Variants in DDX55 observed in about 807,000 individuals in gnomAD.
DDX55 encodes the protein DEAD-box helicase 55, also known as ATP-dependent RNA helicase DDX55.
A neutral mutation model predicts 69.2 loss-of-function variants in DDX55; 56 were observed. The observed-to-expected ratio is 0.81, with a 90% confidence interval of 0.65 to 1.01. DDX55 has a LOEUF of 1.01. DDX55 is among the 50% of genes least tolerant of loss of function. DDX55 has a pLI of 0.00. For missense variants in DDX55, 720 were observed against 745.1 expected (o/e 0.97, Z 0.39); for synonymous variants, 268 against 273.1 (o/e 0.98, Z 0.18).
Position 123,620,619 on chromosome 12 carries a change from T to TATATATATAA in DDX55, c.*480_*489dup, listed in dbSNP as rs1379818886. 7 of 120,558 alleles carry TATATATATAA rather than the reference T, an allele frequency of 5.8e-5. No homozygotes were observed. The highest frequency in any genetic ancestry group is 2.2e-4 in the African/African-American group (6 of 27,310). The allele number at this position is 120,558 out of a possible 1,614,324, so 7.5% of individuals were successfully genotyped here. The stretch of plus-strand genomic sequence containing the variant: ...ATATATATATATATATATATATATA[T>TATATATATAA]ATATATATAAGCTCTTTTTTCTGAG... On this transcript the variant is annotated 3_prime_UTR_variant, in exon 14 of 14. Transcript: ENST00000238146.
In DDX55 at chr12:123,606,096, C is replaced by T. The variant is rs138847573; in HGVS notation, c.183C>T (p.Leu61=). The T allele has an allele frequency of 1.1e-5, 18 of 1,614,018 alleles. No individual in the cohort carries two copies. In the African/African-American group the frequency reaches 1.2e-4, roughly 11 times the overall value. ...AGGTCACAGGTAGTGGCAAAACACTCGCTTTTGTCATCCCCATCCTGGAAA... is the reference window on the plus strand; with the variant it reads ...AGGTCACAGGTAGTGGCAAAACACTTGCTTTTGTCATCCCCATCCTGGAAA... ...AEAVTGSGKT[L]AFVIPILEIL... Residue 61 remains leucine (L), a synonymous_variant, in exon 3 of 14, where the codon CTC becomes CTT. Transcript: ENST00000238146.
intron 7 of DDX55, 115 bp downstream of exon 7, chr12:123,610,243 G>A (rs1255448235): frequency 2.2e-6 from 3 of 1,352,148 alleles, no homozygotes; most frequent in East Asian, 2.5e-5. Flanking sequence ...ATGCATTTGG[G>A]GACAGAGCTA....
intron 10 of DDX55, among the ~76,000 whole-genome samples, chr12:123,617,073 G>A (rs914170896): frequency 2.0e-5 from 3 of 152,162 alleles, no homozygotes; most frequent in East Asian, 1.9e-4. Context: ...TCGCTTGAGC[G>A]CAGGAGGCAG....
At chr12:123,609,429 C>T (rs1329172591) in intron 6 of DDX55, among the ~76,000 whole-genome samples, 5 of 142,466 alleles carry the variant, frequency 3.5e-5, no homozygotes, top group African/African-American at 5.3e-5. Flanking sequence ...GGCTAGAATG[C>T]AGTGGCATGA....
At chr12:123,606,275 T>TC in intron 3 of DDX55, 116 bp downstream of exon 3, 1 of 1,261,582 alleles carries the variant, frequency 7.9e-7, no homozygotes. Context: ...ACGCCTGTAA[T>TC]CCCAGCACTT....
At chr12:123,615,016 A>G (rs1438416405) in intron 8 of DDX55, among the ~76,000 whole-genome samples, 169 bp from the exon 9 acceptor site, 1 of 152,124 alleles carries the variant, frequency 6.6e-6, no homozygotes. Context: ...AGGATTACAG[A>G]TTGAGAACTC....
chr12:123,611,939 C>G (rs370199863), intron 7 of DDX55, among the ~76,000 whole-genome samples: 3 of 152,174 alleles, frequency 2.0e-5, no homozygotes, highest in African/African-American at 7.2e-5. Context: ...CCTTACTTGT[C>G]AAATGGGGGC....
chr12:123,619,672 A>C lies in DDX55; in HGVS notation c.1574A>C (p.Lys525Thr), dbSNP rs775965983. 1.3e-6 allele frequency: 2 copies of C among 1,583,522 alleles called. No individual in the cohort carries two copies. The highest frequency in any genetic ancestry group is 1.7e-6 in the Non-Finnish European group (2 of 1,172,910). Residue 525 changes from lysine to threonine, a missense_variant, in exon 13 of 14, where the codon AAG becomes ACG. Lys to Thr is a moderately conservative substitution (Grantham distance 78). Transcript: ENST00000238146. ...FIKNKAWSKQKAKKEKKKKMN... is the reference protein window; with the variant it reads ...FIKNKAWSKQTAKKEKKKKMN... Reference sequence around the variant, plus strand: ...AAAAATAAAGCTTGGTCAAAGCAGAAGGCCAAAAAAGAAAAGAAGAAAAAA... The same window carrying C: ...AAAAATAAAGCTTGGTCAAAGCAGACGGCCAAAAAAGAAAAGAAGAAAAAA...
chr12:123,603,918 T>C (rs1355504006), intron 1 of DDX55, among the ~76,000 whole-genome samples: 9 of 152,178 alleles, frequency 5.9e-5, no homozygotes, highest in Non-Finnish European at 1.2e-4. Context: ...TTCTCCCATC[T>C]CAGCCTTCCA....
chr12:123,609,370 GTTTTTTTTT>G (rs1220679978), intron 6 of DDX55, among the ~76,000 whole-genome samples: 3 of 124,700 alleles, frequency 2.4e-5, no homozygotes, highest in Admixed American at 1.7e-4. Context: ...TTTCCTTCAA[GTTTTTTTTT>G]TTTTTTTTTT....
chr12:123,613,074 T>A, intron 7 of DDX55, 96 bp from the exon 8 acceptor site: 1 of 1,304,670 alleles, frequency 7.7e-7, no homozygotes. Flanking sequence ...ATGGGGGAAA[T>A]GACATTCCTT....
chr12:123,618,021 T>TG (rs1954818190), intron 11 of DDX55, 149 bp downstream of exon 11: 14 of 647,344 alleles, frequency 2.2e-5, no homozygotes, highest in South Asian at 2.1e-4. Flanking sequence ...TGGGGTTTTT[T>TG]TTTTTTTTTT....
chr12:123,613,168 A>G lies in DDX55; in HGVS notation c.742-2A>G. The G allele has an allele frequency of 1.9e-6, 3 of 1,614,000 alleles. No individual in the cohort carries two copies. The highest frequency in any genetic ancestry group is 2.5e-6 in the Non-Finnish European group (3 of 1,179,938). On this transcript the variant is annotated splice_acceptor_variant, in intron 7 of 13. Coordinates refer to ENST00000238146, the MANE Select transcript of DDX55 (RefSeq NM_020936.3). LOFTEE classifies it high-confidence loss of function. The stretch of plus-strand genomic sequence containing the variant: ...TTATTAGTTTCCCTTTTTATTTTGC[A>G]GGTATGCAAGGCAGATGAGAAATTT...
rs765850163 is a variant in DDX55 at position 123,619,441 on chromosome 12, T to C, written c.1343T>C (p.Phe448Ser). ...NLIFRLKDLD[F>S]ASLARGFALL... is the part of the protein sequence containing the mutation. ...CTTCTGATTGAATCAGATCTTGATT[T>C]TGCCAGCCTTGCTCGAGGTTTTGCC... The change falls in exon 13 of 14, where the codon TTT becomes TCT. Residue 448 changes from phenylalanine (F) to serine (S), a missense_variant. By Grantham distance (155) the Phe-to-Ser change is radical. Transcript: ENST00000238146. 6.2e-7 allele frequency: 1 copy of C among 1,611,510 alleles called. No individual in the cohort carries two copies. Among genetic ancestry groups the C allele is most frequent in the African/African-American group, 1.3e-5 (1 of 74,742 alleles).
At chr12:123,607,071 T>C (rs1164260923) in intron 3 of DDX55, among the ~76,000 whole-genome samples, 1 of 152,178 alleles carries the variant, frequency 6.6e-6, no homozygotes, top group East Asian at 1.9e-4. Flanking sequence ...CAATAGTATA[T>C]GTTAAATAGA....
chr12:123,616,921 G>A (rs1418101117), intron 10 of DDX55: 6 of 295,342 alleles, frequency 2.0e-5, no homozygotes, highest in East Asian at 9.5e-5. Flanking sequence ...TGGGGAGGCC[G>A]AGGCAGGTGA....
intron 10 of DDX55, 135 bp from the exon 11 acceptor site, chr12:123,617,623 T>C: frequency 1.7e-6 from 1 of 574,506 alleles, no homozygotes; most frequent in Non-Finnish European, 3.0e-6. Flanking sequence ...CACTAGTAAG[T>C]GGCCGAGTCC....
At chr12:123,611,489 A>G (rs1269616022) in intron 7 of DDX55, among the ~76,000 whole-genome samples, 1 of 152,078 alleles carries the variant, frequency 6.6e-6, no homozygotes, top group Non-Finnish European at 1.5e-5. Flanking sequence ...CTTTTGCAAT[A>G]AGCTTTCTCA....
intron 9 of DDX55, 151 bp downstream of exon 9, chr12:123,615,467 C>T: frequency 8.6e-7 from 1 of 1,165,900 alleles, no homozygotes; most frequent in South Asian, 1.5e-5. Flanking sequence ...TATCACATCT[C>T]TGTAAACACC....
Sources: allele counts gnomAD v4.1 joint callset (sites outside exome capture counted in the v4.1 genomes callset), GRCh38; gene constraint gnomAD v4.1.1; transcripts MANE v1.5; gene names NCBI Gene and HGNC (gene_info 2026-07-23, HGNC 2026-07-21).